DIXDC1: variants seen among roughly 807,000 people sequenced by gnomAD.
DIXDC1 encodes the protein DIX domain containing 1.
A neutral mutation model predicts 103.1 loss-of-function variants in DIXDC1; 64 were observed. That is an observed-to-expected ratio of 0.62 (90% CI 0.51 to 0.76). The LOEUF (loss-of-function observed/expected upper bound fraction) is 0.76, where lower values mean the gene tolerates loss of function less well. Ranked by LOEUF, DIXDC1 falls within the 30% of genes least tolerant of loss-of-function variation. The pLI, the probability that DIXDC1 is intolerant of heterozygous loss-of-function variation, is 0.00. For synonymous variants in DIXDC1, 266 were observed against 298.5 expected (o/e 0.89, Z 1.12); for missense variants, 759 against 834.2 (o/e 0.91, Z 1.11).
chr11:112,007,638 G>A (rs1309795457), intron 17 of DIXDC1, among the ~76,000 whole-genome samples: 1 of 152,240 alleles, frequency 6.6e-6, no homozygotes, highest in African/African-American at 2.4e-5. Flanking sequence ...CCAGAAGAGA[G>A]TGGGGGCCAA....
At position 112,020,562 on chromosome 11, in the gene DIXDC1, T is replaced by G. The variant is rs1042808569; in HGVS notation, c.*1526T>G. 6.6e-6 allele frequency: 1 copy of G among 152,302 alleles called. No individual in the cohort carries two copies. The allele number at this position is 152,302 out of a possible 1,614,324, so 9.4% of individuals were successfully genotyped here. On this transcript the variant is annotated 3_prime_UTR_variant, in exon 20 of 20. Transcript: ENST00000440460. ...AGTGTGAGTTCTGTATCTTCTCACA[T>G]TCTGTATACTGTATCCATTTTCTAG...
chr11:112,011,805 G>C (rs1861430632), intron 17 of DIXDC1, among the ~76,000 whole-genome samples: 1 of 151,812 alleles, frequency 6.6e-6, no homozygotes, highest in Non-Finnish European at 1.5e-5. Context: ...GCCTGTCGTG[G>C]AGGGGGGGAC....
chr11:111,963,653 T>C (rs1555171239), intron 1 of DIXDC1, among the ~76,000 whole-genome samples: 1 of 152,242 alleles, frequency 6.6e-6, no homozygotes, highest in African/African-American at 2.4e-5. Context: ...GTTTGTGTGA[T>C]ATTTTGATAT....
At chr11:111,941,282 G>A (rs782383480) in intron 1 of DIXDC1, among the ~76,000 whole-genome samples, 14 of 152,158 alleles carry the variant, frequency 9.2e-5, no homozygotes, top group Non-Finnish European at 1.9e-4. Flanking sequence ...AAATTGAGGT[G>A]ATACAGAAAT....
rs1435461678 is a variant in DIXDC1 at position 111,976,493 on chromosome 11, C to T, written c.656+1510C>T. On this transcript the variant is annotated intron_variant, in intron 5 of 19. Coordinates refer to ENST00000440460, the MANE Select transcript of DIXDC1 (RefSeq NM_001037954.4). The surrounding 1 kb of genome is among the most constrained non-coding windows in gnomAD (Gnocchi z 4.3). ...TTTTCTTCTAATGCTGACCCCTCAT[C>T]CAGCTCTTTGGCATGCTGGGTTAGT... 6.6e-6 allele frequency among the ~76,000 whole-genome samples: 1 copy of T among 152,190 alleles called. No individual in the cohort carries two copies. The highest frequency in any genetic ancestry group is 1.5e-5 in the Non-Finnish European group (1 of 68,042).
In DIXDC1 at chr11:111,941,818, A is replaced by G. The variant is rs377057524; in HGVS notation, c.60+4259A>G. Among the ~76,000 whole-genome samples, 5 of 148,008 alleles carry G rather than the reference A, an allele frequency of 3.4e-5. No homozygotes were observed. In the East Asian group the frequency reaches 1.1e-3, roughly 34 times the overall value. Reference sequence around the variant, plus strand: ...GGGCAACAGGGTGAGATTCTGTCTCAAAACAAAACGAAACAAAATACACAC... The same window carrying G: ...GGGCAACAGGGTGAGATTCTGTCTCGAAACAAAACGAAACAAAATACACAC... On this transcript the variant is annotated intron_variant, in intron 1 of 19. Transcript: ENST00000440460.
intron 1 of DIXDC1, among the ~76,000 whole-genome samples, chr11:111,950,276 A>C (rs1171758723): frequency 1.3e-5 from 2 of 151,274 alleles, no homozygotes; most frequent in Admixed American, 1.3e-4. Context: ...AATATCTTGA[A>C]TGAAGAAGCT....
chr11:111,983,605 G>A (rs1231599529), intron 7 of DIXDC1, among the ~76,000 whole-genome samples: 2 of 152,158 alleles, frequency 1.3e-5, no homozygotes, highest in Non-Finnish European at 2.9e-5. Context: ...AGAACTTTGA[G>A]ATTATACCCA....
intron 1 of DIXDC1, among the ~76,000 whole-genome samples, chr11:111,959,592 A>G (rs1229537693): frequency 6.6e-6 from 1 of 152,222 alleles, no homozygotes; most frequent in African/African-American, 2.4e-5. Flanking sequence ...TGCCAGACTG[A>G]GTGGGCCCAG....
upstream of DIXDC1, among the ~76,000 whole-genome samples, chr11:111,933,691 C>A (rs79828207): frequency 1.4e-3 from 155 of 111,750 alleles, no homozygotes; most frequent in Middle Eastern, 4.6e-3. Context: ...CTCTCTCTCT[C>A]AAAAAAAAAA....
At chr11:111,981,527 A>G (rs1202299628) in intron 6 of DIXDC1, among the ~76,000 whole-genome samples, 1 of 152,226 alleles carries the variant, frequency 6.6e-6, no homozygotes, top group Non-Finnish European at 1.5e-5. Context: ...AGAGTCAGTC[A>G]TGTTACTGAG....
Position 111,982,324 on chromosome 11 carries a change from C to T in DIXDC1, c.770-15C>T, listed in dbSNP as rs587620028. 49 of 1,611,102 alleles carry T rather than the reference C, an allele frequency of 3.0e-5. No individual in the cohort carries two copies. The South Asian group carries it at 5.3e-4, about 17-fold the overall frequency. On this transcript the variant is annotated splice_polypyrimidine_tract_variant and intron_variant, in intron 6 of 19. Transcript: ENST00000440460. ...TTCTTCAACATGAACTGTACTCCCT[C>T]TTTTCATTTTTTAGAAGGGACAGAT...
chr11:111,982,628 GA>G (rs1860352746), intron 7 of DIXDC1, 141 bp downstream of exon 7: 1 of 916,184 alleles, frequency 1.1e-6, no homozygotes, highest in Non-Finnish European at 1.6e-6. Context: ...AGCACAGAAA[GA>G]GCAGAAAATT....
At chr11:111,991,364 T>C (rs1860707925) in intron 10 of DIXDC1, among the ~76,000 whole-genome samples, 1 of 152,226 alleles carries the variant, frequency 6.6e-6, no homozygotes, top group South Asian at 2.1e-4. Flanking sequence ...TAACATCATG[T>C]GGCACATTAA....
intron 14 of DIXDC1, among the ~76,000 whole-genome samples, chr11:111,994,586 T>TG (rs1860822354): frequency 6.6e-6 from 1 of 151,182 alleles, no homozygotes; most frequent in Admixed American, 6.6e-5. Flanking sequence ...TATGTGTATA[T>TG]TATGTATGTA....
chr11:111,956,375 A>T (rs1412758745), intron 1 of DIXDC1, among the ~76,000 whole-genome samples: 11 of 152,176 alleles, frequency 7.2e-5, no homozygotes, highest in Non-Finnish European at 5.9e-5. Flanking sequence ...TGTTTCTTTA[A>T]TCACAATTTT....
upstream of DIXDC1, among the ~76,000 whole-genome samples, chr11:111,933,425 G>A (rs1966095052): frequency 6.6e-6 from 1 of 151,844 alleles, no homozygotes; most frequent in Non-Finnish European, 1.5e-5. Flanking sequence ...GTGAGCCACC[G>A]CTCCCGGACC....
rs1219790828 is a variant in DIXDC1, at chr11:112,021,289, C to G, written c.*2253C>G. 1 of 152,138 alleles carries G rather than the reference C, an allele frequency of 6.6e-6. No homozygotes were observed. The highest frequency in any genetic ancestry group is 2.4e-5 in the African/African-American group (1 of 41,430). 9.4% of individuals were successfully genotyped at this position (152,138 alleles called of 1,614,324 possible). On this transcript the variant is annotated 3_prime_UTR_variant, in exon 20 of 20. Transcript: ENST00000440460. ...TTTTTTTCCCTTTTAGCTCGGTAAT[C>G]TCATGTACCACAGGTAATGACCAAG... is the stretch of plus-strand genomic sequence containing the variant.
rs57841874 is a variant in DIXDC1 at position 111,976,210 on chromosome 11, C to G, written c.656+1227C>G. Among the ~76,000 whole-genome samples the G allele has an allele frequency of 0.026, 3,952 of 152,284 alleles. 181 individuals are homozygous for G. Among genetic ancestry groups the G allele is most frequent in the African/African-American group, 0.09 (3,751 of 41,550 alleles). On this transcript the variant is annotated intron_variant, in intron 5 of 19. Transcript: ENST00000440460. The surrounding 1 kb of genome is among the most constrained non-coding windows in gnomAD (Gnocchi z 4.3). Reference sequence around the variant, plus strand: ...TTTTGTTGTATTGCTTCCTGCACTTCTGCAGGCCTTTCACTCTTCTGAGCC... The same window carrying G: ...TTTTGTTGTATTGCTTCCTGCACTTGTGCAGGCCTTTCACTCTTCTGAGCC...
Sources: gnomAD v4.1 joint callset for allele counts (sites outside exome capture counted in the v4.1 genomes callset) on GRCh38, gnomAD v4.1.1 for gene constraint, Gnocchi (gnomAD v3.1) non-coding constraint, MANE v1.5 for transcripts, NCBI Gene and HGNC (gene_info 2026-07-23, HGNC 2026-07-21) for gene names.